FOCAD: variants seen among roughly 807,000 people sequenced by gnomAD.
FOCAD encodes the protein focadhesin, also known as KIAA1797.
Under a neutral mutation model 225.6 loss-of-function variants are expected in FOCAD, and 198 were observed. The observed-to-expected ratio is 0.88, with a 90% CI of 0.78 to 0.99. The LOEUF (loss-of-function observed/expected upper bound fraction) is 0.99, where lower values mean the gene tolerates loss of function less well. Ranked by LOEUF, FOCAD falls within the 50% of genes least tolerant of loss-of-function variation. The pLI is 0.00. For synonymous variants in FOCAD, 897 were observed against 755.0 expected (o/e 1.19, Z -3.08); for missense variants, 2,713 against 2,123.6 (o/e 1.28, Z -5.46).
At chr9:20,789,204 C>A in intron 10 of FOCAD, 147 bp from the exon 11 acceptor site, 2 of 831,398 alleles carry the variant, frequency 2.4e-6, no homozygotes, top group Non-Finnish European at 3.7e-6. Context: ...CAAATATGTG[C>A]AGAGAGGATT....
At chr9:20,929,122 A>G in intron 26 of FOCAD, 2 of 442,028 alleles carry the variant, frequency 4.5e-6, no homozygotes, top group Non-Finnish European at 8.0e-6. Flanking sequence ...GACGCTTGTA[A>G]TTTGGTTTTT....
chr9:20,851,851 A>G (rs1002604709), intron 15 of FOCAD, among the ~76,000 whole-genome samples: 1 of 151,824 alleles, frequency 6.6e-6, no homozygotes, highest in African/African-American at 2.4e-5. Context: ...TTTTTTTGTA[A>G]GTAAAGTTTT....
rs188826448 is a variant in FOCAD, at chr9:20,790,554, T to G, written c.1455+946T>G. Among the ~76,000 whole-genome samples, 999 of 152,264 alleles carry G rather than the reference T, an allele frequency of 6.6e-3. 13 individuals are homozygous for G. The highest frequency in any genetic ancestry group is 0.013 in the Admixed American group (200 of 15,280). ...TGGAAGGCTGAGGTGGGCAGATCAC[T>G]TGAGGTCAAGAGTTCGAGACCAGCC... On this transcript the variant is annotated intron_variant, in intron 11 of 43. Transcript: ENST00000338382.
At chr9:20,763,616 A>G (rs886915937) in intron 6 of FOCAD, among the ~76,000 whole-genome samples, 1 of 152,226 alleles carries the variant, frequency 6.6e-6, no homozygotes, top group Non-Finnish European at 1.5e-5. Flanking sequence ...GAGAAGGAAT[A>G]GGACGGGTAG....
intron 28 of FOCAD, among the ~76,000 whole-genome samples, chr9:20,942,963 G>A (rs1836815628): frequency 6.6e-6 from 1 of 152,184 alleles, no homozygotes; most frequent in Non-Finnish European, 1.5e-5. Context: ...CAGTTAAATA[G>A]TCAAAGAGAG....
chr9:20,821,149 G>A, intron 14 of FOCAD, 78 bp downstream of exon 14: 2 of 1,408,824 alleles, frequency 1.4e-6, no homozygotes, highest in South Asian at 1.4e-5. Flanking sequence ...CAAGCAAGAG[G>A]CAAGAAAAGA....
chr9:20,767,241 T>G (rs1440397248), intron 7 of FOCAD, among the ~76,000 whole-genome samples: 3 of 151,480 alleles, frequency 2.0e-5, no homozygotes, highest in Admixed American at 6.6e-5. Flanking sequence ...ACATTTGGGT[T>G]GGTTCCAAGT....
At chr9:20,797,119 A>G (rs754749388) in intron 11 of FOCAD, among the ~76,000 whole-genome samples, 2 of 152,156 alleles carry the variant, frequency 1.3e-5, no homozygotes, top group Non-Finnish European at 2.9e-5. Context: ...CAAAGACCAG[A>G]TAGTTGTAGA....
intron 35 of FOCAD, among the ~76,000 whole-genome samples, chr9:20,961,578 A>G (rs1232948970): frequency 2.0e-5 from 3 of 152,070 alleles, no homozygotes; most frequent in Non-Finnish European, 4.4e-5. Flanking sequence ...TGGGAAACAT[A>G]TGTTCTTGTT....
chr9:20,908,082 T>C (rs1046609660), intron 22 of FOCAD, among the ~76,000 whole-genome samples: 1 of 152,142 alleles, frequency 6.6e-6, no homozygotes, highest in Non-Finnish European at 1.5e-5. Context: ...TGTGAATTTT[T>C]AAATTTAGAA....
chr9:20,881,061 C>T (rs1830628609), intron 19 of FOCAD, among the ~76,000 whole-genome samples: 1 of 152,088 alleles, frequency 6.6e-6, no homozygotes, highest in South Asian at 2.1e-4. Flanking sequence ...AGAAAGAACA[C>T]AAGCAAAGAT....
chr9:20,851,895 T>C (rs181015936), intron 15 of FOCAD, among the ~76,000 whole-genome samples: 524 of 151,974 alleles, frequency 3.4e-3, no homozygotes, highest in African/African-American at 0.012. Context: ...TGTTTATGTA[T>C]TGTCCATGGC....
chr9:20,930,682 T>A (rs1162884412), intron 27 of FOCAD, among the ~76,000 whole-genome samples: 1 of 152,194 alleles, frequency 6.6e-6, no homozygotes, highest in Admixed American at 6.5e-5. Flanking sequence ...CATTTTCAGC[T>A]CTTAGAAACA....
intron 6 of FOCAD, 62 bp from the exon 7 acceptor site, chr9:20,764,807 C>T: frequency 3.1e-6 from 4 of 1,277,128 alleles, no homozygotes; most frequent in Non-Finnish European, 4.5e-6. Context: ...TGATATTTGC[C>T]ACTTACCTGC....
intron 15 of FOCAD, among the ~76,000 whole-genome samples, chr9:20,833,539 G>C (rs1478689320): frequency 6.6e-6 from 1 of 152,058 alleles, no homozygotes; most frequent in Non-Finnish European, 1.5e-5. Context: ...CGACCACTTG[G>C]TGCTAAGTAG....
intron 11 of FOCAD, among the ~76,000 whole-genome samples, chr9:20,817,762 A>G (rs1823882925): frequency 6.6e-6 from 1 of 151,902 alleles, no homozygotes; most frequent in African/African-American, 2.4e-5. Flanking sequence ...TTTTATGGTT[A>G]TACTGTATTT....
intron 19 of FOCAD, among the ~76,000 whole-genome samples, chr9:20,876,265 C>T (rs539976469): frequency 6.6e-6 from 1 of 152,256 alleles, no homozygotes; most frequent in South Asian, 2.1e-4. Context: ...CTAAGGCCTC[C>T]CTGAAGTTAA....
intron 37 of FOCAD, among the ~76,000 whole-genome samples, chr9:20,980,466 G>C (rs754186763): frequency 2.6e-4 from 39 of 149,224 alleles, no homozygotes; most frequent in Non-Finnish European, 4.1e-4. Flanking sequence ...CTGTGCATTT[G>C]TCTTTGATTA....
intron 8 of FOCAD, among the ~76,000 whole-genome samples, chr9:20,771,901 C>T (rs1479567225): frequency 6.6e-6 from 1 of 152,190 alleles, no homozygotes; most frequent in Non-Finnish European, 1.5e-5. Flanking sequence ...AGAGTATGAG[C>T]TCTGTGGTGT....
Sources: allele counts gnomAD v4.1 joint callset (sites outside exome capture counted in the v4.1 genomes callset), GRCh38; gene constraint gnomAD v4.1.1; transcripts MANE v1.5; gene names NCBI Gene and HGNC (gene_info 2026-07-23, HGNC 2026-07-21).